The following PRKG1 variants were observed in gnomAD, a reference collection of about 807,000 sequenced individuals.
PRKG1 encodes protein kinase cGMP-dependent 1, also known as cGMP-dependent protein kinase 1.
A neutral mutation model predicts 88.1 loss-of-function variants in PRKG1; 35 were observed. The ratio of observed to expected loss-of-function variants is 0.40; its 90% CI spans 0.30 to 0.53. PRKG1 has a LOEUF of 0.53. Among genes scored for constraint, PRKG1 ranks in the 20% least tolerant of loss-of-function variants. PRKG1 has a pLI of 0.59. For missense variants in PRKG1, 540 were observed against 839.8 expected (o/e 0.64, Z 4.41); for synonymous variants, 303 against 292.5 (o/e 1.04, Z -0.37).
At chr10:51,229,016 C>T (rs1464699699) in intron 2 of PRKG1, among the ~76,000 whole-genome samples, 1 of 152,194 alleles carries the variant, frequency 6.6e-6, no homozygotes, top group Non-Finnish European at 1.5e-5. Flanking sequence ...ACTACTCACT[C>T]CCACCTTTCC....
intron 4 of PRKG1, among the ~76,000 whole-genome samples, chr10:51,834,727 G>GAGAAA (rs965930722): frequency 1.4e-5 from 2 of 148,130 alleles, no homozygotes; most frequent in African/African-American, 2.5e-5. Flanking sequence ...AGAAAGAAAA[G>GAGAAA]AGAAAAGAAA....
intron 1 of PRKG1, among the ~76,000 whole-genome samples, chr10:51,120,443 G>C (rs993202850): frequency 1.3e-5 from 2 of 152,024 alleles, no homozygotes; most frequent in Admixed American, 6.6e-5. Context: ...TTTAGGCCTA[G>C]TATACAATTT....
chr10:51,167,646 A>T (rs1846585680), intron 2 of PRKG1, among the ~76,000 whole-genome samples: 2 of 152,208 alleles, frequency 1.3e-5, no homozygotes, highest in African/African-American at 4.8e-5. Flanking sequence ...TTGTGCCAAG[A>T]TGGCAGTGTG....
At chr10:51,983,833 T>A (rs1417554433) in intron 5 of PRKG1, among the ~76,000 whole-genome samples, 1 of 152,196 alleles carries the variant, frequency 6.6e-6, no homozygotes, top group Non-Finnish European at 1.5e-5. Context: ...ACTCACCCAT[T>A]TCCCCAGAGT....
intron 7 of PRKG1, among the ~76,000 whole-genome samples, chr10:52,070,399 G>C (rs760097865): frequency 6.6e-6 from 1 of 152,134 alleles, no homozygotes; most frequent in African/African-American, 2.4e-5. Flanking sequence ...TAGGTAAACT[G>C]TCTCTCTGGT....
At chr10:51,413,516 C>T (rs10997444) in intron 2 of PRKG1, among the ~76,000 whole-genome samples, 14,701 of 152,010 alleles carry the variant, frequency 0.097, 930 homozygotes, top group Admixed American at 0.2. Flanking sequence ...CACACCACCA[C>T]GCCCAGCTAA....
intron 3 of PRKG1, among the ~76,000 whole-genome samples, chr10:51,532,311 A>G (rs1057097571): frequency 4.6e-5 from 7 of 152,196 alleles, no homozygotes; most frequent in Non-Finnish European, 7.3e-5. Context: ...CTTGTTATGA[A>G]TCTGCAGCTT....
chr10:52,168,188 G>A (rs960150579), intron 9 of PRKG1, among the ~76,000 whole-genome samples: 2 of 152,186 alleles, frequency 1.3e-5, no homozygotes, highest in African/African-American at 2.4e-5. Context: ...GGGGGACTGA[G>A]GCATATGTTA....
intron 4 of PRKG1, among the ~76,000 whole-genome samples, chr10:51,892,398 G>A (rs2132910050): frequency 6.6e-6 from 1 of 152,230 alleles, no homozygotes; most frequent in East Asian, 1.9e-4. Context: ...TTTCAAGACA[G>A]TCATAAACTA....
At chr10:52,136,636 G>A (rs1255925828) in intron 8 of PRKG1, among the ~76,000 whole-genome samples, 2 of 151,954 alleles carry the variant, frequency 1.3e-5, no homozygotes, top group East Asian at 3.9e-4. Context: ...CAGTTTTCCT[G>A]TCTGAAAAAT....
intron 2 of PRKG1, among the ~76,000 whole-genome samples, chr10:51,315,326 G>T (rs1346592262): frequency 6.6e-6 from 1 of 152,122 alleles, no homozygotes; most frequent in Non-Finnish European, 1.5e-5. Flanking sequence ...AGAGGTTTTT[G>T]GTTATGCTGA....
chr10:51,981,577 C>A (rs964291852), intron 5 of PRKG1, among the ~76,000 whole-genome samples: 1 of 151,940 alleles, frequency 6.6e-6, no homozygotes. Flanking sequence ...CAGAACAAGA[C>A]TCTGTCTCAA....
At chr10:52,079,840 A>G (rs1345167930) in intron 7 of PRKG1, among the ~76,000 whole-genome samples, 1 of 152,188 alleles carries the variant, frequency 6.6e-6, no homozygotes, top group African/African-American at 2.4e-5. Flanking sequence ...TCAAGGTAGG[A>G]GGATACTTTT....
chr10:51,566,378 T>C (rs941285960), intron 3 of PRKG1, among the ~76,000 whole-genome samples: 2 of 152,116 alleles, frequency 1.3e-5, no homozygotes, highest in Admixed American at 6.6e-5. Flanking sequence ...CCTTGTTTTA[T>C]GTACTCATTT....
chr10:51,149,241 A>G (rs1444252267), intron 1 of PRKG1, among the ~76,000 whole-genome samples: 1 of 152,062 alleles, frequency 6.6e-6, no homozygotes, highest in Non-Finnish European at 1.5e-5. Context: ...CCTTCCCTAC[A>G]CCTTGAAATA....
At chr10:51,716,552 T>G (rs1366238145) in intron 3 of PRKG1, among the ~76,000 whole-genome samples, 1 of 152,144 alleles carries the variant, frequency 6.6e-6, no homozygotes, top group African/African-American at 2.4e-5. Context: ...ACTCCCAGAG[T>G]GAGCATACAG....
chr10:51,749,498 C>A (rs1178790294), intron 3 of PRKG1, among the ~76,000 whole-genome samples: 8 of 152,056 alleles, frequency 5.3e-5, no homozygotes, highest in Non-Finnish European at 7.4e-5. Context: ...GCCATGAAAC[C>A]TATCAGATTA....
Position 52,019,559 on chromosome 10 carries a change from C to T in PRKG1, c.763-34925C>T, listed in dbSNP as rs562642861. Among the ~76,000 whole-genome samples the T allele has an allele frequency of 4.6e-5, 7 of 152,168 alleles. No homozygotes were observed. The East Asian group carries it at 1.4e-3, about 29-fold the overall frequency. On this transcript the variant is annotated intron_variant, in intron 5 of 17. Transcript: ENST00000373980. ...AGGAAGAAACCTGTCTAAAATCTAG[C>T]CAAGTTGAGGAGAATTTAAGATTGT... is the stretch of plus-strand genomic sequence containing the variant.
chr10:51,516,521 C>T (rs1411352932), intron 3 of PRKG1, among the ~76,000 whole-genome samples: 2 of 152,102 alleles, frequency 1.3e-5, no homozygotes, highest in Non-Finnish European at 1.5e-5. Context: ...AGCTTTTTGG[C>T]TTGAAGGTGG....
Sources: allele counts gnomAD v4.1 joint callset (sites outside exome capture counted in the v4.1 genomes callset), GRCh38; gene constraint gnomAD v4.1.1; transcripts MANE v1.5; gene names NCBI Gene and HGNC (gene_info 2026-07-23, HGNC 2026-07-21).